BOC: variants seen among roughly 807,000 people sequenced by gnomAD.
The protein encoded by BOC is BOC cell adhesion associated, oncogene regulated, also known as brother of CDO.
BOC carries 76 observed loss-of-function variants against 112.0 expected under a neutral mutation model. The ratio of observed to expected loss-of-function variants is 0.68; its 90% confidence interval spans 0.56 to 0.82. The LOEUF (loss-of-function observed/expected upper bound fraction) is 0.82, where lower values mean the gene tolerates loss of function less well. Ranked by LOEUF, BOC falls within the 40% of genes least tolerant of loss-of-function variation. The pLI is 0.00. For synonymous variants in BOC, 580 were observed against 599.8 expected, an observed-to-expected ratio of 0.97 and a Z score of 0.48; for missense variants, 1,309 against 1,511.7, an observed-to-expected ratio of 0.87 and a Z score of 2.22.
At position 113,278,170 on chromosome 3, in the gene BOC, C is replaced by G. The variant is rs943060767; in HGVS notation, c.1618C>G (p.Leu540Val). 8.1e-6 allele frequency: 13 copies of G among 1,614,142 alleles called. No homozygotes were observed. In the East Asian group the frequency reaches 2.9e-4, roughly 36 times the overall value. Residue 540 changes from leucine (L) to valine (V), a missense_variant, in exon 10 of 20, where the codon CTT (leucine) becomes GTT (valine). Physicochemically the swap from Leu to Val is conservative, Grantham distance 32. Transcript: ENST00000682979. The surrounding 1 kb of genome is among the most constrained non-coding windows in gnomAD (Gnocchi z 4.2). ...CCAGCACCGCCTGACCCTCACCAGA[C>G]TTGACCCCGGGAGCTTGTATGAAGT... ...ANQHRLTLTR[L>V]DPGSLYEVEM...
At chr3:113,234,544 T>A (rs148850440) in intron 2 of BOC, among the ~76,000 whole-genome samples, 72 of 152,316 alleles carry the variant, frequency 4.7e-4, no homozygotes, top group African/African-American at 1.6e-3. Flanking sequence ...AATAGAAAGA[T>A]GTTGTCAAAG....
intron 2 of BOC, among the ~76,000 whole-genome samples, chr3:113,240,835 G>A (rs944761948): frequency 3.3e-5 from 5 of 152,086 alleles, no homozygotes; most frequent in Non-Finnish European, 7.4e-5. Flanking sequence ...GATGCCCTTA[G>A]ACCTCAGGGA....
At chr3:113,234,798 G>A (rs1943196591) in intron 2 of BOC, among the ~76,000 whole-genome samples, 1 of 152,198 alleles carries the variant, frequency 6.6e-6, no homozygotes, top group Non-Finnish European at 1.5e-5. Flanking sequence ...TACTGCACTT[G>A]GGAGCCATAT....
chr3:113,237,795 G>C (rs1190119589), intron 2 of BOC, among the ~76,000 whole-genome samples: 1 of 152,150 alleles, frequency 6.6e-6, no homozygotes, highest in Non-Finnish European at 1.5e-5. Context: ...GTCTCTCTCT[G>C]TATGCCACAC....
chr3:113,247,948 C>A (rs1309465385), intron 2 of BOC, among the ~76,000 whole-genome samples: 1 of 152,238 alleles, frequency 6.6e-6, no homozygotes, highest in Non-Finnish European at 1.5e-5. Context: ...AATGTTCTTT[C>A]AAATCCCTTT....
At chr3:113,232,590 T>TGC (rs1491082856) in intron 2 of BOC, among the ~76,000 whole-genome samples, 18 of 149,500 alleles carry the variant, frequency 1.2e-4, no homozygotes, top group African/African-American at 2.5e-4. Context: ...TGTGTGTGTG[T>TGC]GCACACGTGC....
chr3:113,231,784 C>T (rs1942652310), intron 2 of BOC, among the ~76,000 whole-genome samples: 1 of 152,186 alleles, frequency 6.6e-6, no homozygotes, highest in African/African-American at 2.4e-5. Context: ...ACTACATCCC[C>T]ACCCCTCTGC....
chr3:113,221,880 C>A (rs1046161085), intron 2 of BOC, among the ~76,000 whole-genome samples: 7 of 152,168 alleles, frequency 4.6e-5, no homozygotes, highest in African/African-American at 1.4e-4. Context: ...CCTCCCTTCC[C>A]CCCTTGCCTA....
intron 9 of BOC, among the ~76,000 whole-genome samples, chr3:113,276,061 T>C (rs551094588): frequency 2.6e-5 from 4 of 152,320 alleles, no homozygotes; most frequent in South Asian, 2.1e-4. Context: ...ATTGTTCACA[T>C]GTTGTAGGGC....
At chr3:113,242,450 C>A (rs1457163320) in intron 2 of BOC, among the ~76,000 whole-genome samples, 1 of 152,110 alleles carries the variant, frequency 6.6e-6, no homozygotes, top group Non-Finnish European at 1.5e-5. Flanking sequence ...CGTGTTTTAG[C>A]AGAAGCTCTG....
chr3:113,276,220 G>A (rs1426806003), intron 9 of BOC, among the ~76,000 whole-genome samples: 1 of 152,218 alleles, frequency 6.6e-6, no homozygotes, highest in Non-Finnish European at 1.5e-5. Context: ...GCCAATAGGT[G>A]GCCGTGAAGC....
At chr3:113,212,619 G>C (rs139656184) in intron 1 of BOC, 1 of 152,644 alleles carries the variant, frequency 6.6e-6, no homozygotes, top group Non-Finnish European at 1.5e-5. Context: ...AGCATCCCTA[G>C]CTGTTGGCGC....
intron 2 of BOC, among the ~76,000 whole-genome samples, chr3:113,238,979 G>A (rs990881188): frequency 2.0e-5 from 3 of 152,200 alleles, no homozygotes; most frequent in Admixed American, 6.5e-5. Context: ...TAGTTTGAGG[G>A]CTCTAGACCA....
chr3:113,229,344 T>C (rs1044998719), intron 2 of BOC, among the ~76,000 whole-genome samples: 1 of 152,194 alleles, frequency 6.6e-6, no homozygotes, highest in African/African-American at 2.4e-5. Context: ...AAAGCAGTCA[T>C]TGGTGGCTTC....
chr3:113,246,991 G>A (rs1944997014), intron 2 of BOC, among the ~76,000 whole-genome samples: 1 of 152,206 alleles, frequency 6.6e-6, no homozygotes, highest in Non-Finnish European at 1.5e-5. Flanking sequence ...TTAAGCAGGA[G>A]AGGGTCTGGG....
intron 2 of BOC, among the ~76,000 whole-genome samples, chr3:113,232,597 G>A (rs1008685250): frequency 2.2e-4 from 34 of 151,884 alleles, no homozygotes; most frequent in African/African-American, 8.0e-4. Context: ...GTGTGCACAC[G>A]TGCACATGCC....
chr3:113,270,417 C>T (rs113911803), intron 5 of BOC: 1 of 190,126 alleles, frequency 5.3e-6, no homozygotes. Flanking sequence ...CCCAAGATCA[C>T]ACAGCTAATA....
chr3:113,253,517 T>C (rs977340382), intron 4 of BOC, among the ~76,000 whole-genome samples: 2 of 151,626 alleles, frequency 1.3e-5, no homozygotes, highest in African/African-American at 4.9e-5. Flanking sequence ...GGTGAGCCAG[T>C]CTCTTACAAA....
rs1445322886 is a variant in BOC at position 113,284,969 on chromosome 3, G to T, written c.2966+111G>T. The T allele has an allele frequency of 1.5e-5, 15 of 972,840 alleles. No homozygotes were observed. The East Asian group carries it at 3.7e-4, about 24-fold the overall frequency. The allele number at this position is 972,840 out of a possible 1,614,324, so 60.3% of individuals were successfully genotyped here. On this transcript the variant is annotated intron_variant, in intron 18 of 19. Coordinates refer to ENST00000682979, the MANE Select transcript of BOC (RefSeq NM_001378074.1). ...GCCAAGCAGTAGTGCTGTACTCAGG[G>T]GTCCCCGTGACTGACAATCATGCTC...
Sources: gnomAD v4.1 joint callset for allele counts (sites outside exome capture counted in the v4.1 genomes callset) on GRCh38, gnomAD v4.1.1 for gene constraint, Gnocchi (gnomAD v3.1) non-coding constraint, MANE v1.5 for transcripts, NCBI Gene and HGNC (gene_info 2026-07-23, HGNC 2026-07-21) for gene names.